The following SORCS3 variants were observed in gnomAD, a reference collection of about 807,000 sequenced individuals.
SORCS3 encodes VPS10 domain-containing receptor SorCS3.
SORCS3 carries 57 observed loss-of-function variants against 146.3 expected under a neutral mutation model. The ratio of observed to expected loss-of-function variants is 0.39; its 90% CI spans 0.31 to 0.49. The LOEUF (loss-of-function observed/expected upper bound fraction) is 0.49, where lower values mean the gene tolerates loss of function less well. SORCS3 is among the 20% of genes least tolerant of loss of function. SORCS3 has a pLI of 0.92. For missense variants in SORCS3, 1,341 were observed against 1,575.5 expected (o/e 0.85, Z 2.52); for synonymous variants, 653 against 618.5 (o/e 1.06, Z -0.83).
intron 1 of SORCS3, among the ~76,000 whole-genome samples, chr10:104,820,152 A>C (rs1484511066): frequency 6.6e-6 from 1 of 152,170 alleles, no homozygotes; most frequent in Non-Finnish European, 1.5e-5. Flanking sequence ...TGGAATTTGA[A>C]ACATTAGGAG....
intron 7 of SORCS3, among the ~76,000 whole-genome samples, chr10:105,138,681 G>T (rs1327490744): frequency 6.6e-6 from 1 of 152,202 alleles, no homozygotes; most frequent in Non-Finnish European, 1.5e-5. Flanking sequence ...TCTTGGCGTG[G>T]TTTCCACTTT....
intron 20 of SORCS3, among the ~76,000 whole-genome samples, chr10:105,241,704 C>A (rs1364192386): frequency 1.3e-5 from 2 of 152,264 alleles, no homozygotes; most frequent in African/African-American, 4.8e-5. Context: ...AAGGGCAGGT[C>A]ATCTCCTCCC....
At chr10:104,954,368 AT>A (rs1469000826) in intron 3 of SORCS3, among the ~76,000 whole-genome samples, 1 of 152,022 alleles carries the variant, frequency 6.6e-6, no homozygotes, top group Non-Finnish European at 1.5e-5. Flanking sequence ...TATTGCTGGG[AT>A]TTTATGGGAT....
At chr10:104,667,153 T>C (rs1271093283) in intron 1 of SORCS3, among the ~76,000 whole-genome samples, 2 of 152,304 alleles carry the variant, frequency 1.3e-5, no homozygotes, top group South Asian at 2.1e-4. Flanking sequence ...GAACTACTTA[T>C]GTTTGTATGT....
intron 1 of SORCS3, among the ~76,000 whole-genome samples, chr10:104,798,949 T>C (rs2017591436): frequency 6.6e-6 from 1 of 152,168 alleles, no homozygotes; most frequent in Non-Finnish European, 1.5e-5. Flanking sequence ...GAAAAAATGC[T>C]CATCATCACT....
rs527874475 is a variant in SORCS3 at position 105,216,995 on chromosome 10, C to A, written c.2607C>A (p.Tyr869Ter). ...TTGGGGATGGGATTGCTGTGTCCTA[C>A]GCAAACTTCAGCCCCATCGAGGACG... ...LDFGDGIAVS[Y>*]ANFSPIEDGI... Residue 869 changes from tyrosine to a stop codon, truncating the protein, a stop_gained, in exon 19 of 27, where the codon TAC becomes TAA. Coordinates refer to ENST00000369701, the MANE Select transcript of SORCS3 (RefSeq NM_014978.3). LOFTEE classifies it high-confidence loss of function. 6.2e-7 allele frequency: 1 copy of A among 1,614,124 alleles called. No homozygotes were observed. Among genetic ancestry groups the A allele is most frequent in the Non-Finnish European group, 8.5e-7 (1 of 1,180,016 alleles).
At chr10:104,881,734 G>T (rs926470393) in intron 2 of SORCS3, among the ~76,000 whole-genome samples, 4 of 152,130 alleles carry the variant, frequency 2.6e-5, no homozygotes, top group Non-Finnish European at 4.4e-5. Context: ...GTAGTAACTT[G>T]CGTCAAAAAC....
chr10:104,864,517 A>G (rs2133563217), intron 2 of SORCS3, among the ~76,000 whole-genome samples: 1 of 152,258 alleles, frequency 6.6e-6, no homozygotes, highest in East Asian at 1.9e-4. Context: ...CCTGGTTAAC[A>G]AAGCTTGTCC....
At chr10:104,783,914 G>A (rs2451466) in intron 1 of SORCS3, among the ~76,000 whole-genome samples, 38,744 of 152,068 alleles carry the variant, frequency 0.25, 5,144 homozygotes, top group South Asian at 0.32. Flanking sequence ...AGTTAATCCT[G>A]TGGAATACTA....
At chr10:104,706,198 C>CTTTTTTT (rs1215766842) in intron 1 of SORCS3, among the ~76,000 whole-genome samples, 2 of 121,430 alleles carry the variant, frequency 1.6e-5, no homozygotes, top group African/African-American at 6.3e-5. Context: ...TTCTTTTCTT[C>CTTTTTTT]TTCTTTTTTT....
At chr10:104,992,316 G>T (rs1205004356) in intron 4 of SORCS3, among the ~76,000 whole-genome samples, 1 of 152,206 alleles carries the variant, frequency 6.6e-6, no homozygotes, top group Non-Finnish European at 1.5e-5. Flanking sequence ...GGACCCCTTG[G>T]AAGAACATCG....
At chr10:104,942,938 T>C (rs2019335215) in intron 3 of SORCS3, among the ~76,000 whole-genome samples, 1 of 152,190 alleles carries the variant, frequency 6.6e-6, no homozygotes, top group Non-Finnish European at 1.5e-5. Context: ...TAATGGAGGT[T>C]CTAGTCAGTG....
At chr10:105,253,545 C>T (rs887317051) in intron 23 of SORCS3, among the ~76,000 whole-genome samples, 1 of 152,174 alleles carries the variant, frequency 6.6e-6, no homozygotes, top group Non-Finnish European at 1.5e-5. Flanking sequence ...CCTTTTCATC[C>T]TCTATTCCTC....
At chr10:105,198,769 A>T (rs1355582738) in intron 14 of SORCS3, among the ~76,000 whole-genome samples, 1 of 152,164 alleles carries the variant, frequency 6.6e-6, no homozygotes, top group Non-Finnish European at 1.5e-5. Context: ...TAAAGGAGAG[A>T]TCCTGTCTCT....
At chr10:104,863,418 C>A (rs2018426652) in intron 2 of SORCS3, among the ~76,000 whole-genome samples, 2 of 152,146 alleles carry the variant, frequency 1.3e-5, no homozygotes, top group South Asian at 4.1e-4. Flanking sequence ...AGGATGTGTT[C>A]TGTTTTCTCC....
chr10:105,235,235 T>C (rs1265345433), intron 20 of SORCS3, among the ~76,000 whole-genome samples: 1 of 152,112 alleles, frequency 6.6e-6, no homozygotes, highest in African/African-American at 2.4e-5. Flanking sequence ...ATTTATAAGT[T>C]TCTTCTGAGA....
At chr10:105,084,142 A>G (rs1051553574) in intron 5 of SORCS3, among the ~76,000 whole-genome samples, 3 of 152,212 alleles carry the variant, frequency 2.0e-5, no homozygotes. Context: ...CAACATTTAC[A>G]TTTTAAATAT....
At chr10:104,945,421 C>A (rs1050294495) in intron 3 of SORCS3, among the ~76,000 whole-genome samples, 1 of 151,926 alleles carries the variant, frequency 6.6e-6, no homozygotes, top group Admixed American at 6.6e-5. Flanking sequence ...CCACCCCTAG[C>A]TAATTTTTTG....
chr10:104,759,207 A>G lies in SORCS3; in HGVS notation c.628-83585A>G, dbSNP rs1321189531. On this transcript the variant is annotated intron_variant, in intron 1 of 26. Coordinates refer to ENST00000369701, the MANE Select transcript of SORCS3 (RefSeq NM_014978.3). ...TGCCAGAGGTTGCCATCAAACAACTAGAAGCTGGCCAGAGGCTGGAAAAGA... is the reference window on the plus strand; with the variant it reads ...TGCCAGAGGTTGCCATCAAACAACTGGAAGCTGGCCAGAGGCTGGAAAAGA... 2.0e-5 allele frequency among the ~76,000 whole-genome samples: 3 copies of G among 152,228 alleles called. No homozygotes were observed. In the East Asian group the frequency reaches 5.8e-4, roughly 29 times the overall value.
Sources: allele counts gnomAD v4.1 joint callset (sites outside exome capture counted in the v4.1 genomes callset), GRCh38; gene constraint gnomAD v4.1.1; transcripts MANE v1.5; gene names NCBI Gene and HGNC (gene_info 2026-07-23, HGNC 2026-07-21).